ABLIM3: variants seen among roughly 807,000 people sequenced by gnomAD.
The protein encoded by ABLIM3 is actin-binding LIM protein 3.
ABLIM3 carries 61 observed loss-of-function variants against 109.5 expected under a neutral mutation model. That is an observed-to-expected ratio of 0.56 (90% CI 0.45 to 0.69). ABLIM3 has a LOEUF of 0.69. Among genes scored for constraint, ABLIM3 ranks in the 30% least tolerant of loss-of-function variants. The pLI is 0.00. For synonymous variants in ABLIM3, 300 were observed against 324.8 expected, an observed-to-expected ratio of 0.92 and a Z score of 0.82; for missense variants, 796 against 889.5, an observed-to-expected ratio of 0.89 and a Z score of 1.34.
chr5:149,215,847 T>G (rs1276014079), intron 7 of ABLIM3, among the ~76,000 whole-genome samples: 1 of 152,170 alleles, frequency 6.6e-6, no homozygotes, highest in African/African-American at 2.4e-5. Context: ...GGTGTTAGAA[T>G]TGTGACTCCA....
intron 2 of ABLIM3, among the ~76,000 whole-genome samples, chr5:149,149,958 G>T (rs191410526): frequency 7.8e-4 from 119 of 152,284 alleles, no homozygotes; most frequent in Non-Finnish European, 8.2e-4. Flanking sequence ...AGGAACTGTG[G>T]CTGTGGCCCC....
intron 23 of ABLIM3, among the ~76,000 whole-genome samples, chr5:149,255,703 T>C (rs191497360): frequency 1.3e-5 from 2 of 152,280 alleles, no homozygotes; most frequent in East Asian, 3.9e-4. Flanking sequence ...GGGAGCTTGT[T>C]GTGTTTGAAC....
intron 13 of ABLIM3, among the ~76,000 whole-genome samples, chr5:149,240,184 G>T (rs957113128): frequency 6.6e-6 from 1 of 152,226 alleles, no homozygotes; most frequent in African/African-American, 2.4e-5. Flanking sequence ...CACCATCCTC[G>T]TGGCCTGCCC....
At chr5:149,170,744 T>G (rs1005594838) in intron 2 of ABLIM3, among the ~76,000 whole-genome samples, 6 of 152,206 alleles carry the variant, frequency 3.9e-5, no homozygotes, top group African/African-American at 1.2e-4. Flanking sequence ...TGAATGATGC[T>G]TTGTTTCCTA....
In ABLIM3 at chr5:149,213,740, C is replaced by A. The variant is rs17795759; in HGVS notation, c.669+2921C>A. ...TTAGCATTGCGGTAGACTGTTCCTCCCAGGCAGCTGTTGTGACTGAGTTTC... is the reference window on the plus strand; with the variant it reads ...TTAGCATTGCGGTAGACTGTTCCTCACAGGCAGCTGTTGTGACTGAGTTTC... On this transcript the variant is annotated intron_variant, in intron 7 of 23. Coordinates refer to ENST00000309868, the MANE Select transcript of ABLIM3 (RefSeq NM_014945.5). Among the ~76,000 whole-genome samples the A allele has an allele frequency of 9.8e-3, 1,487 of 152,202 alleles. 66 individuals are homozygous for A. In the East Asian group the frequency reaches 0.13, roughly 14 times the overall value.
Position 149,259,693 on chromosome 5 carries a change from C to A in ABLIM3, c.*1289C>A. 8.5e-7 allele frequency: 1 copy of A among 1,175,362 alleles called. No homozygotes were observed. Among genetic ancestry groups the A allele is most frequent in the Non-Finnish European group, 1.2e-6 (1 of 822,734 alleles). 72.8% of individuals were successfully genotyped at this position (1,175,362 alleles called of 1,614,324 possible). A position where few individuals can be genotyped will look rare whatever the true frequency, so the allele number is the denominator to read the frequency against. On this transcript the variant is annotated 3_prime_UTR_variant, in exon 24 of 24. Coordinates refer to ENST00000309868, the MANE Select transcript of ABLIM3 (RefSeq NM_014945.5). Reference sequence around the variant, plus strand: ...GAAAGCTTAACCTCTCTTCTCCTCTCCAAACCTTTCACCTTGAATGGGTAA... The same window carrying A: ...GAAAGCTTAACCTCTCTTCTCCTCTACAAACCTTTCACCTTGAATGGGTAA...
intron 3 of ABLIM3, among the ~76,000 whole-genome samples, chr5:149,196,568 A>G (rs547230793): frequency 6.6e-6 from 1 of 152,324 alleles, no homozygotes; most frequent in Admixed American, 6.5e-5. Flanking sequence ...TCTCAGAGGC[A>G]ATCTAGGTGG....
rs534979184 is a variant in ABLIM3, at chr5:149,212,530, C to T, written c.669+1711C>T. ...TGAGGAGGCCCCTGCGTGACCCAGG[C>T]AGGAAGGACTCAAGAGGTACAGTAG... On this transcript the variant is annotated intron_variant, in intron 7 of 23. Transcript: ENST00000309868. 1.8e-4 allele frequency among the ~76,000 whole-genome samples: 27 copies of T among 152,248 alleles called. 1 individual carries two copies. In the South Asian group the frequency reaches 5.6e-3, roughly 32 times the overall value.
chr5:149,158,853 G>A (rs554834547), intron 2 of ABLIM3, among the ~76,000 whole-genome samples: 1 of 152,212 alleles, frequency 6.6e-6, no homozygotes, highest in African/African-American at 2.4e-5. Flanking sequence ...ATAAAAAGGA[G>A]CTTAACATCA....
At chr5:149,163,019 C>T (rs1351096754) in intron 2 of ABLIM3, among the ~76,000 whole-genome samples, 1 of 152,232 alleles carries the variant, frequency 6.6e-6, no homozygotes, top group Non-Finnish European at 1.5e-5. Flanking sequence ...CGGAGGGGAG[C>T]AGGGTCTGCG....
intron 2 of ABLIM3, among the ~76,000 whole-genome samples, chr5:149,150,572 A>G (rs1366150228): frequency 1.3e-5 from 2 of 152,336 alleles, no homozygotes; most frequent in South Asian, 2.1e-4. Flanking sequence ...AAAGGAAGTG[A>G]TATCAATTCT....
intron 2 of ABLIM3, among the ~76,000 whole-genome samples, chr5:149,146,495 G>A (rs1344471110): frequency 2.0e-5 from 3 of 152,142 alleles, no homozygotes; most frequent in African/African-American, 7.2e-5. Context: ...TTTTGTATAT[G>A]GTGAAAGGTA....
intron 13 of ABLIM3, 131 bp from the exon 14 acceptor site, chr5:149,240,545 A>T (rs1466189160): frequency 1.4e-6 from 1 of 711,078 alleles, no homozygotes; most frequent in Non-Finnish European, 2.5e-6. Flanking sequence ...GAACCTGAGC[A>T]CGCTGAGACG....
intron 2 of ABLIM3, among the ~76,000 whole-genome samples, chr5:149,163,594 T>G (rs1754573399): frequency 6.6e-6 from 1 of 152,144 alleles, no homozygotes; most frequent in African/African-American, 2.4e-5. Flanking sequence ...TGTCCCTCTG[T>G]GCTTGCCTGT....
chr5:149,234,840 C>T (rs1390116347), intron 10 of ABLIM3, among the ~76,000 whole-genome samples: 1 of 152,174 alleles, frequency 6.6e-6, no homozygotes, highest in East Asian at 1.9e-4. Context: ...TAGGAGCACT[C>T]AGGAAGCTGC....
intron 2 of ABLIM3, among the ~76,000 whole-genome samples, chr5:149,155,328 A>G (rs1753783133): frequency 6.6e-6 from 1 of 152,206 alleles, no homozygotes; most frequent in Non-Finnish European, 1.5e-5. Flanking sequence ...TCACGCTGTG[A>G]GACAGTGACA....
intron 15 of ABLIM3, among the ~76,000 whole-genome samples, chr5:149,242,781 G>A (rs1752988205): frequency 6.6e-6 from 1 of 152,160 alleles, no homozygotes; most frequent in Admixed American, 6.5e-5. Context: ...CCCCTTACCT[G>A]CTCTCTGTCA....
intron 8 of ABLIM3, among the ~76,000 whole-genome samples, chr5:149,225,986 ATATATATATATATAT>A (rs1561607814): frequency 2.0e-4 from 2 of 10,250 alleles, no homozygotes; most frequent in Non-Finnish European, 4.2e-4. Context: ...GTGTGTGTAT[ATATATATATATATAT>A]ATATATATAT....
At chr5:149,255,087 T>C (rs1754313928) in intron 23 of ABLIM3, among the ~76,000 whole-genome samples, 1 of 152,204 alleles carries the variant, frequency 6.6e-6, no homozygotes, top group Non-Finnish European at 1.5e-5. Context: ...CATCCTCACC[T>C]TACAGAGGAG....
Sources: allele counts gnomAD v4.1 joint callset (sites outside exome capture counted in the v4.1 genomes callset), GRCh38; gene constraint gnomAD v4.1.1; transcripts MANE v1.5; gene names NCBI Gene and HGNC (gene_info 2026-07-23, HGNC 2026-07-21).